The following PPFIBP2 variants were observed in gnomAD, a reference collection of about 807,000 sequenced individuals.
The protein encoded by PPFIBP2 is liprin-beta-2.
A neutral mutation model predicts 118.3 loss-of-function variants in PPFIBP2; 118 were observed. That is an observed-to-expected ratio of 1.00 (90% CI 0.86 to 1.16). The LOEUF (loss-of-function observed/expected upper bound fraction) is 1.16. PPFIBP2 is among the 50% of genes most tolerant of loss of function. The pLI is 0.00. For missense variants in PPFIBP2, 1,195 were observed against 1,073.1 expected, an observed-to-expected ratio of 1.11 and a Z score of -1.59; for synonymous variants, 414 against 397.4, an observed-to-expected ratio of 1.04 and a Z score of -0.50.
intron 3 of PPFIBP2, among the ~76,000 whole-genome samples, chr11:7,576,218 T>G (rs551172940): frequency 1.3e-5 from 2 of 152,376 alleles, no homozygotes; most frequent in South Asian, 4.1e-4. Flanking sequence ...AGTCACAAGC[T>G]GTGCATCTGC....
chr11:7,610,556 T>A, intron 6 of PPFIBP2, 134 bp downstream of exon 6: 1 of 1,258,142 alleles, frequency 7.9e-7, no homozygotes, highest in South Asian at 1.5e-5. Context: ...GATGCAGTGA[T>A]CTGTTAATAC....
chr11:7,590,118 A>G (rs180836065), intron 3 of PPFIBP2, among the ~76,000 whole-genome samples: 2 of 152,324 alleles, frequency 1.3e-5, no homozygotes, highest in Admixed American at 6.5e-5. Context: ...TAGGCTGATG[A>G]GTATTAGCAT....
chr11:7,659,293 C>T (rs1417730049), downstream of PPFIBP2, among the ~76,000 whole-genome samples: 1 of 149,786 alleles, frequency 6.7e-6, no homozygotes, highest in African/African-American at 2.5e-5. Context: ...ACCTTTAAGT[C>T]TTTAATCCAT....
chr11:7,519,419 C>T (rs1379383602), intron 1 of PPFIBP2, among the ~76,000 whole-genome samples: 1 of 152,222 alleles, frequency 6.6e-6, no homozygotes, highest in South Asian at 2.1e-4. Context: ...CCTATTTCTT[C>T]GGTCGTTGGC....
chr11:7,638,231 C>G (rs191807512), intron 14 of PPFIBP2, among the ~76,000 whole-genome samples: 1 of 152,102 alleles, frequency 6.6e-6, no homozygotes, highest in East Asian at 1.9e-4. Context: ...TACAAGTGCT[C>G]CAGGTAATTA....
chr11:7,627,320 A>G lies in PPFIBP2; in HGVS notation c.827-965A>G, dbSNP rs548065208. On this transcript the variant is annotated intron_variant, in intron 8 of 23. Transcript: ENST00000299492. The stretch of plus-strand genomic sequence containing the variant: ...CTAGAGCCTAAATAATGAGCAAGCA[A>G]TTCTCCACTTTATTCTGAAAATGAA... Among the ~76,000 whole-genome samples, 35 of 152,364 alleles carry G rather than the reference A, an allele frequency of 2.3e-4. No homozygotes were observed. The South Asian group carries it at 6.8e-3, about 30-fold the overall frequency.
chr11:7,539,432 G>A (rs1851549110), intron 1 of PPFIBP2: 2 of 152,438 alleles, frequency 1.3e-5, no homozygotes, highest in South Asian at 2.1e-4. Flanking sequence ...TGGGGGTCGT[G>A]ACCTCTGGAT....
At chr11:7,523,730 C>G (rs1849973375) in intron 1 of PPFIBP2, among the ~76,000 whole-genome samples, 1 of 152,162 alleles carries the variant, frequency 6.6e-6, no homozygotes, top group African/African-American at 2.4e-5. Flanking sequence ...TACATTGCCT[C>G]TTCCCAGGCT....
chr11:7,557,958 A>G (rs1218235754), intron 2 of PPFIBP2, among the ~76,000 whole-genome samples: 2 of 152,218 alleles, frequency 1.3e-5, no homozygotes, highest in Non-Finnish European at 2.9e-5. Context: ...GTCATCAGCT[A>G]TTTCATCTCA....
chr11:7,611,095 T>C (rs1848020919), intron 6 of PPFIBP2, among the ~76,000 whole-genome samples: 1 of 152,244 alleles, frequency 6.6e-6, no homozygotes, highest in East Asian at 1.9e-4. Flanking sequence ...GTTCTTCTTA[T>C]ATTCACACCT....
At chr11:7,640,966 C>T (rs1852098148) in intron 15 of PPFIBP2, 1 of 1,170,250 alleles carries the variant, frequency 8.5e-7, no homozygotes, top group Non-Finnish European at 1.1e-6. Flanking sequence ...CCCCGTAACT[C>T]TGTTGGGCTG....
chr11:7,606,122 A>G, intron 5 of PPFIBP2: 1 of 1,284,612 alleles, frequency 7.8e-7, no homozygotes, highest in South Asian at 1.6e-5. Context: ...TTAGAATAGC[A>G]GGATAGATGC....
At chr11:7,534,756 C>T (rs1041418643) in intron 1 of PPFIBP2, among the ~76,000 whole-genome samples, 1 of 152,184 alleles carries the variant, frequency 6.6e-6, no homozygotes, top group African/African-American at 2.4e-5. Context: ...ACTGACCAAC[C>T]TGACAAGGCT....
chr11:7,541,782 T>C (rs530981161), intron 1 of PPFIBP2, among the ~76,000 whole-genome samples: 253 of 152,244 alleles, frequency 1.7e-3, no homozygotes, highest in Middle Eastern at 3.4e-3. Flanking sequence ...AAGCTGAACA[T>C]TTCTAAAACC....
At chr11:7,559,009 C>A (rs1853984698) in intron 2 of PPFIBP2, among the ~76,000 whole-genome samples, 1 of 152,118 alleles carries the variant, frequency 6.6e-6, no homozygotes, top group Admixed American at 6.5e-5. Context: ...GGTCACACCT[C>A]AGACCAATTA....
chr11:7,658,407 T>G (rs1287027920), downstream of PPFIBP2, among the ~76,000 whole-genome samples: 4 of 107,308 alleles, frequency 3.7e-5, no homozygotes, highest in Non-Finnish European at 7.3e-5. Flanking sequence ...TTTGGTTTTT[T>G]GTTCTTGCGA....
intron 1 of PPFIBP2, among the ~76,000 whole-genome samples, chr11:7,545,328 G>C (rs1852213135): frequency 6.6e-6 from 1 of 152,288 alleles, no homozygotes; most frequent in East Asian, 1.9e-4. Context: ...TGCTTAGGAG[G>C]ATGAGGCACA....
chr11:7,617,528 C>T (rs575973155), intron 6 of PPFIBP2, among the ~76,000 whole-genome samples: 1 of 152,110 alleles, frequency 6.6e-6, no homozygotes, highest in Non-Finnish European at 1.5e-5. Flanking sequence ...TGGCACTCAT[C>T]TCCTTTAGGG....
In PPFIBP2 at chr11:7,552,762, C is replaced by A. The variant is rs377408854; in HGVS notation, c.64+3223C>A. Reference sequence around the variant, plus strand: ...ACTTTAACCATGAGCTTGCCCCCCCCTCTCCTGGAATGCCCTCCTCCAGAT... The same window carrying A: ...ACTTTAACCATGAGCTTGCCCCCCCATCTCCTGGAATGCCCTCCTCCAGAT... On this transcript the variant is annotated intron_variant, in intron 2 of 23. Coordinates refer to ENST00000299492, the MANE Select transcript of PPFIBP2 (RefSeq NM_003621.5). Among the ~76,000 whole-genome samples, 5 of 152,178 alleles carry A rather than the reference C, an allele frequency of 3.3e-5. No individual in the cohort carries two copies. The South Asian group carries it at 6.2e-4, about 19-fold the overall frequency.
Sources: allele counts gnomAD v4.1 joint callset (sites outside exome capture counted in the v4.1 genomes callset), GRCh38; gene constraint gnomAD v4.1.1; transcripts MANE v1.5; gene names NCBI Gene and HGNC (gene_info 2026-07-23, HGNC 2026-07-21).